KCNT2: variants seen among roughly 807,000 people sequenced by gnomAD.
KCNT2 encodes potassium sodium-activated channel subfamily T member 2, also known as potassium channel subfamily T member 2.
A neutral mutation model predicts 153.8 loss-of-function variants in KCNT2; 67 were observed. The observed-to-expected ratio is 0.44, with a 90% confidence interval of 0.36 to 0.53. The LOEUF (loss-of-function observed/expected upper bound fraction) is 0.53. Ranked by LOEUF, KCNT2 falls within the 20% of genes least tolerant of loss-of-function variation. The pLI, the probability that KCNT2 is intolerant of heterozygous loss-of-function variation, is 0.00. For missense variants in KCNT2, 975 were observed against 1,354.8 expected (o/e 0.72, Z 4.40); for synonymous variants, 500 against 458.8 (o/e 1.09, Z -1.15).
rs530308881 is a variant in KCNT2 at position 196,415,879 on chromosome 1, G to A, written c.1185+7171C>T. On this transcript the variant is annotated intron_variant, in intron 12 of 27. Transcript: ENST00000294725. ...ATTCTGACACTGACTTCCCTGCTAG[G>A]TTTTTAAGAATTTACTTGCTTTCCT... Among the ~76,000 whole-genome samples, 196 of 151,942 alleles carry A rather than the reference G, an allele frequency of 1.3e-3. 1 individual carries two copies. Among genetic ancestry groups the A allele is most frequent in the Non-Finnish European group, 2.0e-3 (138 of 67,878 alleles).
At chr1:196,256,588 T>G (rs1469504208) in intron 26 of KCNT2, among the ~76,000 whole-genome samples, 1 of 151,254 alleles carries the variant, frequency 6.6e-6, no homozygotes, top group Non-Finnish European at 1.5e-5. Context: ...TTATGAGTTT[T>G]TTGTGTTATT....
chr1:196,557,075 T>G (rs1002702726), intron 1 of KCNT2, among the ~76,000 whole-genome samples: 1 of 151,108 alleles, frequency 6.6e-6, no homozygotes, highest in Non-Finnish European at 1.5e-5. Context: ...ACTTAGTATT[T>G]GACAGCACAA....
chr1:196,346,202 T>G (rs1387997525), intron 14 of KCNT2, among the ~76,000 whole-genome samples: 6 of 152,154 alleles, frequency 3.9e-5, no homozygotes, highest in Non-Finnish European at 7.4e-5. Context: ...TTGTATATTT[T>G]TCACTGCTTC....
intron 17 of KCNT2, among the ~76,000 whole-genome samples, chr1:196,333,280 A>G (rs932890109): frequency 3.9e-5 from 6 of 152,214 alleles, no homozygotes; most frequent in African/African-American, 1.4e-4. Flanking sequence ...ACTGCAAGCT[A>G]CAATGTGATT....
chr1:196,598,744 C>A (rs12144706), intron 1 of KCNT2, among the ~76,000 whole-genome samples: 19,336 of 152,074 alleles, frequency 0.13, 3,854 homozygotes, highest in African/African-American at 0.43. Context: ...TATTTCTGTA[C>A]CTTGGTTGAT....
chr1:196,294,370 G>A (rs1660486750), intron 22 of KCNT2, among the ~76,000 whole-genome samples: 1 of 152,086 alleles, frequency 6.6e-6, no homozygotes, highest in Admixed American at 6.6e-5. Flanking sequence ...CCAACTCCCT[G>A]GTTCAAGCGA....
intron 1 of KCNT2, among the ~76,000 whole-genome samples, chr1:196,509,878 T>A (rs1289670728): frequency 6.6e-6 from 1 of 152,160 alleles, no homozygotes; most frequent in Admixed American, 6.5e-5. Flanking sequence ...ATGTATTTAT[T>A]AAAAATGGGC....
chr1:196,426,601 T>C (rs1385911634), intron 10 of KCNT2, among the ~76,000 whole-genome samples: 1 of 151,976 alleles, frequency 6.6e-6, no homozygotes, highest in African/African-American at 2.4e-5. Flanking sequence ...ACCAATGATT[T>C]ATAGAAATTA....
chr1:196,294,217 T>C (rs1285243635), intron 22 of KCNT2, among the ~76,000 whole-genome samples: 1 of 151,846 alleles, frequency 6.6e-6, no homozygotes, highest in Non-Finnish European at 1.5e-5. Context: ...GCCAGAGGAG[T>C]GGAGCAAAGA....
chr1:196,323,396 A>C (rs1402808336), intron 19 of KCNT2, among the ~76,000 whole-genome samples: 1 of 151,896 alleles, frequency 6.6e-6, no homozygotes, highest in African/African-American at 2.4e-5. Flanking sequence ...ACATGAGATG[A>C]TGTTAAAAAT....
chr1:196,347,779 C>A, intron 14 of KCNT2, among the ~76,000 whole-genome samples: 1 of 152,152 alleles, frequency 6.6e-6, no homozygotes, highest in East Asian at 1.9e-4. Context: ...GAACAAGACA[C>A]TGTCTCTTAT....
intron 12 of KCNT2, among the ~76,000 whole-genome samples, chr1:196,411,834 A>T (rs1219722523): frequency 6.6e-6 from 1 of 151,744 alleles, no homozygotes; most frequent in Non-Finnish European, 1.5e-5. Context: ...GGATGCCTGA[A>T]ATTGTGGATA....
intron 12 of KCNT2, among the ~76,000 whole-genome samples, chr1:196,421,345 C>A (rs184735931): frequency 6.0e-4 from 92 of 152,118 alleles, no homozygotes; most frequent in African/African-American, 2.2e-3. Context: ...AATGCTTACA[C>A]CTCTTTTGCT....
At chr1:196,346,754 T>C (rs1330954882) in intron 14 of KCNT2, among the ~76,000 whole-genome samples, 1 of 152,122 alleles carries the variant, frequency 6.6e-6, no homozygotes, top group Non-Finnish European at 1.5e-5. Flanking sequence ...AGCAACATAT[T>C]ATACCTTCAT....
At chr1:196,584,749 C>T (rs1662469814) in intron 1 of KCNT2, among the ~76,000 whole-genome samples, 1 of 151,960 alleles carries the variant, frequency 6.6e-6, no homozygotes, top group African/African-American at 2.4e-5. Flanking sequence ...GAAAAAGAAC[C>T]TTGGGACTCA....
chr1:196,341,107 C>G (rs960698805), intron 15 of KCNT2, among the ~76,000 whole-genome samples: 2 of 151,878 alleles, frequency 1.3e-5, no homozygotes, highest in Non-Finnish European at 2.9e-5. Context: ...AGCTCCTTGA[C>G]TTATAATAGA....
chr1:196,597,924 C>T (rs1468689860), intron 1 of KCNT2, among the ~76,000 whole-genome samples: 2 of 151,968 alleles, frequency 1.3e-5, no homozygotes, highest in African/African-American at 2.4e-5. Flanking sequence ...TCATAACATC[C>T]CTGCATAGTG....
chr1:196,282,289 G>T lies in KCNT2; in HGVS notation c.2765C>A (p.Ser922Tyr). 6.3e-7 allele frequency: 1 copy of T among 1,592,666 alleles called. No homozygotes were observed. Among genetic ancestry groups the T allele is most frequent in the Non-Finnish European group, 8.6e-7 (1 of 1,161,812 alleles). ...LLLGLDTTPGSGFLCSMKITA... is the reference protein window; with the variant it reads ...LLLGLDTTPGYGFLCSMKITA... ...TTAACTTACAGAACAAAGAAACCCA[G>T]ATCCTGGTGTAGTGTCCAGTCCCAA... Residue 922 changes from serine to tyrosine, a missense_variant, in exon 24 of 28, where the codon TCT becomes TAT. Around this residue, in one of 6 missense-constraint regions of KCNT2, gnomAD observed 241 missense variants for 271.1 expected, o/e 0.89. Transcript: ENST00000294725.
At position 196,466,697 on chromosome 1, in the gene KCNT2, G is replaced by A. The variant is rs76907927; in HGVS notation, c.543+1006C>T. 8.8e-3 allele frequency among the ~76,000 whole-genome samples: 1,346 copies of A among 152,106 alleles called. 19 individuals carry two copies. Among genetic ancestry groups the A allele is most frequent in the Non-Finnish European group, 0.01 (686 of 67,952 alleles). On this transcript the variant is annotated intron_variant, in intron 7 of 27. Coordinates refer to ENST00000294725, the MANE Select transcript of KCNT2 (RefSeq NM_198503.5). ...TGATTATCATAGCAAACTTGTAGGT[G>A]CTTTTCTTTGCAGATGAAGATAATA...
Sources: allele counts gnomAD v4.1 joint callset (sites outside exome capture counted in the v4.1 genomes callset), GRCh38; gene constraint gnomAD v4.1.1; regional missense constraint gnomAD v4.1.1; transcripts MANE v1.5; gene names NCBI Gene and HGNC (gene_info 2026-07-23, HGNC 2026-07-21).